Variants in GPHN observed in about 807,000 individuals in gnomAD.
GPHN encodes gephyrin.
GPHN carries 17 observed loss-of-function variants against 95.5 expected under a neutral mutation model. The ratio of observed to expected loss-of-function variants is 0.18; its 90% confidence interval spans 0.12 to 0.27. GPHN has a LOEUF of 0.27. Ranked by LOEUF, GPHN falls within the 10% of genes least tolerant of loss-of-function variation. The pLI is 1.00. For missense variants in GPHN, 660 were observed against 978.1 expected (o/e 0.67, Z 4.34); for synonymous variants, 320 against 322.5 (o/e 0.99, Z 0.08).
the GPHN span, among the ~76,000 whole-genome samples, chr14:67,265,154 A>T: frequency 2.0e-5 from 3 of 152,178 alleles, no homozygotes; most frequent in African/African-American, 7.2e-5. Context: ...TTGGAATGTA[A>T]TTATCTGGAT....
intron 20 of GPHN, among the ~76,000 whole-genome samples, chr14:67,167,572 G>T (rs2082354354): frequency 6.6e-6 from 1 of 152,030 alleles, no homozygotes; most frequent in Non-Finnish European, 1.5e-5. Context: ...AGAATTGGAG[G>T]TATGATTATA....
intron 5 of GPHN, among the ~76,000 whole-genome samples, chr14:66,909,506 C>A (rs1442286080): frequency 6.6e-6 from 1 of 151,876 alleles, no homozygotes; most frequent in Non-Finnish European, 1.5e-5. Flanking sequence ...TTCAAGGACA[C>A]AAAGATGGTT....
At chr14:67,057,674 G>C (rs1025467350) in intron 10 of GPHN, among the ~76,000 whole-genome samples, 1 of 151,710 alleles carries the variant, frequency 6.6e-6, no homozygotes, top group Non-Finnish European at 1.5e-5. Context: ...TTCTTTTCTT[G>C]CTTCCTTCCT....
chr14:66,583,650 C>T (rs2061295184), intron 1 of GPHN, among the ~76,000 whole-genome samples: 2 of 152,244 alleles, frequency 1.3e-5, no homozygotes, highest in South Asian at 2.1e-4. Context: ...GGAATCCTTT[C>T]CCCATTGCTT....
the GPHN span, among the ~76,000 whole-genome samples, chr14:67,700,704 G>T: frequency 1.9e-5 from 2 of 106,532 alleles, no homozygotes; most frequent in African/African-American, 8.3e-5. Context: ...GACACAGCAA[G>T]ACTCCATCTC....
intron 5 of GPHN, among the ~76,000 whole-genome samples, chr14:66,915,456 GA>G (rs1474877119): frequency 6.6e-6 from 1 of 152,062 alleles, no homozygotes; most frequent in African/African-American, 2.4e-5. Flanking sequence ...AATTATCTCT[GA>G]AAGATGTTTC....
chr14:66,561,599 T>C (rs1333109786), intron 1 of GPHN, among the ~76,000 whole-genome samples: 1 of 152,160 alleles, frequency 6.6e-6, no homozygotes, highest in Non-Finnish European at 1.5e-5. Flanking sequence ...AATATTTAGC[T>C]ATTGGACTGT....
chr14:67,124,824 T>A (rs981937955), intron 17 of GPHN, among the ~76,000 whole-genome samples: 163 of 151,952 alleles, frequency 1.1e-3, no homozygotes, highest in Non-Finnish European at 2.0e-3. Flanking sequence ...CTTTTTTTTT[T>A]AAAGAGGTTA....
the GPHN span, chr14:67,580,413 GA>G: frequency 4.7e-5 from 8 of 168,422 alleles, no homozygotes; most frequent in South Asian, 7.7e-4. Context: ...TGTCCTGGGG[GA>G]TAAGTGTTTG....
intron 3 of GPHN, among the ~76,000 whole-genome samples, chr14:66,813,910 A>G (rs61989621): frequency 4.0e-3 from 609 of 152,184 alleles, no homozygotes; most frequent in Non-Finnish European, 6.8e-3. Context: ...ACACTGATGG[A>G]CCATGCCTGA....
chr14:67,046,685 T>G (rs926053916), intron 10 of GPHN, among the ~76,000 whole-genome samples: 17 of 152,200 alleles, frequency 1.1e-4, no homozygotes, highest in Admixed American at 6.5e-5. Flanking sequence ...TTTTTGGTTT[T>G]GTCAGAAATG....
intron 2 of GPHN, among the ~76,000 whole-genome samples, chr14:66,767,723 G>A (rs1460940170): frequency 6.6e-6 from 1 of 151,888 alleles, no homozygotes; most frequent in Non-Finnish European, 1.5e-5. Context: ...ATAATCAGAA[G>A]AGTTGTCAAG....
At chr14:66,621,675 G>A (rs1338192289) in intron 1 of GPHN, among the ~76,000 whole-genome samples, 1 of 152,140 alleles carries the variant, frequency 6.6e-6, no homozygotes, top group Non-Finnish European at 1.5e-5. Context: ...CACCGCCTCG[G>A]CCTCCCAAAA....
chr14:66,521,904 C>CT (rs960953115), intron 1 of GPHN, among the ~76,000 whole-genome samples: 4 of 151,196 alleles, frequency 2.6e-5, no homozygotes, highest in African/African-American at 4.9e-5. Flanking sequence ...AAGCAGACAA[C>CT]TTTTTTTTTA....
chr14:67,364,970 A>T, the GPHN span: 1 of 1,613,970 alleles, frequency 6.2e-7, no homozygotes, highest in Non-Finnish European at 8.5e-7. Context: ...ATTGGCAGGA[A>T]TGAGTGTGTG....
chr14:67,600,841 A>T, the GPHN span, among the ~76,000 whole-genome samples: 2 of 152,154 alleles, frequency 1.3e-5, no homozygotes, highest in African/African-American at 2.4e-5. Context: ...GGCCTCCCGA[A>T]GTGCTGGGAT....
the GPHN span, among the ~76,000 whole-genome samples, chr14:67,538,751 G>T: frequency 1.3e-5 from 2 of 152,150 alleles, no homozygotes; most frequent in African/African-American, 4.8e-5. Flanking sequence ...CCAGGGAGAG[G>T]GTGGTTAATC....
At chr14:67,210,156 G>A in the GPHN span, among the ~76,000 whole-genome samples, 1 of 152,206 alleles carries the variant, frequency 6.6e-6, no homozygotes, top group African/African-American at 2.4e-5. Context: ...TAACTTATTT[G>A]AATGTAGCGT....
the GPHN span, among the ~76,000 whole-genome samples, chr14:67,452,784 C>CT: frequency 6.6e-6 from 1 of 152,222 alleles, no homozygotes. Flanking sequence ...GCATCTACCT[C>CT]AGAGACCTGT....
Sources: allele counts gnomAD v4.1 joint callset (sites outside exome capture counted in the v4.1 genomes callset), GRCh38; gene constraint gnomAD v4.1.1; transcripts MANE v1.5; gene names NCBI Gene and HGNC (gene_info 2026-07-23, HGNC 2026-07-21).